The following CHRM3 variants were observed in gnomAD, a reference collection of about 807,000 sequenced individuals.
CHRM3 encodes the protein cholinergic receptor muscarinic 3.
Under a neutral mutation model 41.8 loss-of-function variants are expected in CHRM3, and 11 were observed. The observed-to-expected ratio is 0.26, with a 90% CI of 0.17 to 0.44. The LOEUF (loss-of-function observed/expected upper bound fraction) is 0.44, where lower values mean the gene tolerates loss of function less well. CHRM3 is among the 20% of genes least tolerant of loss of function. CHRM3 has a pLI of 1.00. For synonymous variants in CHRM3, 297 were observed against 301.4 expected (o/e 0.99, Z 0.15); for missense variants, 571 against 745.4 (o/e 0.77, Z 2.72).
chr1:239,827,089 G>T (rs184667301), intron 5 of CHRM3, 163 bp from the exon 6 acceptor site: 1 of 152,194 alleles, frequency 6.6e-6, no homozygotes, highest in African/African-American at 2.4e-5. Context: ...TAGGTAACTT[G>T]CTACTGAAAT....
At chr1:239,769,254 C>T (rs1436415467) in intron 5 of CHRM3, among the ~76,000 whole-genome samples, 1 of 152,158 alleles carries the variant, frequency 6.6e-6, no homozygotes, top group Non-Finnish European at 1.5e-5. Flanking sequence ...CCGCCACCGG[C>T]CTGGTGAGGC....
chr1:239,487,248 C>A lies in CHRM3; in HGVS notation c.-520-5461C>A, dbSNP rs187695554. ...TTTGTGCATGATAGGTACATTGAAA[C>A]CCCTAATAAAAATATTATTCGTTTT... On this transcript the variant is annotated intron_variant, in intron 1 of 6. Transcript: ENST00000676153. 5.3e-5 allele frequency among the ~76,000 whole-genome samples: 8 copies of A among 152,086 alleles called. No individual in the cohort carries two copies. In the East Asian group the frequency reaches 1.4e-3, roughly 26 times the overall value.
rs1329123451 is a variant in CHRM3 at position 239,618,176 on chromosome 1, AT to A, written c.-312-14047del. Among the ~76,000 whole-genome samples, 56 of 150,280 alleles carry A rather than the reference AT, an allele frequency of 3.7e-4. 1 individual carries two copies. The highest frequency in any genetic ancestry group is 1.3e-3 in the African/African-American group (54 of 40,886). On this transcript the variant is annotated intron_variant, in intron 3 of 6. Coordinates refer to ENST00000676153, the MANE Select transcript of CHRM3 (RefSeq NM_001375978.1). Reference sequence around the variant, plus strand: ...TTAATGTGTATCTGTCTGGGCAGTGATGTGAACTTAAGGGCACATTTGGGGC... The same window carrying A: ...TTAATGTGTATCTGTCTGGGCAGTGAGTGAACTTAAGGGCACATTTGGGGC...
At chr1:239,507,317 T>C (rs1668639492) in intron 2 of CHRM3, among the ~76,000 whole-genome samples, 1 of 152,122 alleles carries the variant, frequency 6.6e-6, no homozygotes, top group South Asian at 2.1e-4. Context: ...GTCTTTCCCA[T>C]GCTGTTCTCG....
At chr1:239,897,342 A>G (rs1204964274) in intron 6 of CHRM3, among the ~76,000 whole-genome samples, 1 of 152,240 alleles carries the variant, frequency 6.6e-6, no homozygotes, top group African/African-American at 2.4e-5. Context: ...GTCTAACTTA[A>G]TCATGAAAGC....
chr1:239,496,068 C>G (rs1466461162), intron 2 of CHRM3, among the ~76,000 whole-genome samples: 5 of 152,118 alleles, frequency 3.3e-5, no homozygotes, highest in Non-Finnish European at 1.5e-5. Flanking sequence ...CAGTCAGTCT[C>G]TTTCATTGGT....
intron 6 of CHRM3, among the ~76,000 whole-genome samples, chr1:239,845,349 T>C (rs1674177786): frequency 6.6e-6 from 1 of 152,172 alleles, no homozygotes; most frequent in Non-Finnish European, 1.5e-5. Context: ...ATTTTTGTTT[T>C]GGTTTGGGTT....
At chr1:239,483,698 CA>C (rs1255905938) in intron 1 of CHRM3, among the ~76,000 whole-genome samples, 1 of 152,150 alleles carries the variant, frequency 6.6e-6, no homozygotes, top group African/African-American at 2.4e-5. Context: ...ATTATTTGAG[CA>C]CCTCAGAGAC....
chr1:239,671,392 A>C (rs35484692), intron 4 of CHRM3, among the ~76,000 whole-genome samples: 4,747 of 152,286 alleles, frequency 0.031, 129 homozygotes, highest in Middle Eastern at 0.13. Flanking sequence ...CTTGGTCCAC[A>C]GAGGAAGACC....
chr1:239,509,388 T>C (rs1166838521), intron 2 of CHRM3, among the ~76,000 whole-genome samples: 1 of 152,194 alleles, frequency 6.6e-6, no homozygotes, highest in African/African-American at 2.4e-5. Context: ...TTTCTGTTTA[T>C]ATAAAGAGGA....
rs571480145 is a variant in CHRM3 at position 239,644,926 on chromosome 1, T to G, written c.-250+12640T>G. Reference sequence around the variant, plus strand: ...ATAAGTGGGCCTACTTGAGACAGCTTTCTTCAGCAGGAATTCCCAGCCTGG... The same window carrying G: ...ATAAGTGGGCCTACTTGAGACAGCTGTCTTCAGCAGGAATTCCCAGCCTGG... On this transcript the variant is annotated intron_variant, in intron 4 of 6. Transcript: ENST00000676153. Among the ~76,000 whole-genome samples, 6 of 152,272 alleles carry G rather than the reference T, an allele frequency of 3.9e-5. No homozygotes were observed. In the South Asian group the frequency reaches 1.2e-3, roughly 32 times the overall value.
intron 4 of CHRM3, among the ~76,000 whole-genome samples, chr1:239,675,804 T>G (rs1657944718): frequency 6.6e-6 from 1 of 152,182 alleles, no homozygotes; most frequent in Non-Finnish European, 1.5e-5. Context: ...GATAAGATAT[T>G]GAGCTGTGTA....
At chr1:239,731,260 C>G (rs1159908392) in intron 5 of CHRM3, among the ~76,000 whole-genome samples, 1 of 151,876 alleles carries the variant, frequency 6.6e-6, no homozygotes, top group Non-Finnish European at 1.5e-5. Context: ...GGAGTCATCA[C>G]TATATGGATG....
chr1:239,640,680 C>G (rs1671031905), intron 4 of CHRM3, among the ~76,000 whole-genome samples: 1 of 150,114 alleles, frequency 6.7e-6, no homozygotes, highest in Non-Finnish European at 1.5e-5. Context: ...GTCTTGCTAG[C>G]AGTCTATCAA....
chr1:239,653,837 G>A (rs1169276136), intron 4 of CHRM3, among the ~76,000 whole-genome samples: 1 of 152,162 alleles, frequency 6.6e-6, no homozygotes, highest in Non-Finnish European at 1.5e-5. Flanking sequence ...TCTTGGGAGA[G>A]AGTTGCAATC....
rs1680124068 is a variant in CHRM3, at chr1:239,908,288, C to T, written c.837C>T (p.Asn279=). ...CTGGGACAGAGGCAGAGACAGAAAA[C>T]TTTGTCCACCCCACGGGCAGTTCTC... ...QASGTEAETE[N]FVHPTGSSRS... is the part of the protein sequence containing the mutation. The change falls in exon 7 of 7, where the codon AAC becomes AAT. Residue 279 remains asparagine, a synonymous_variant. Transcript: ENST00000676153. The surrounding 1 kb of genome is among the most constrained non-coding windows in gnomAD (Gnocchi z 7.2). 2.5e-6 allele frequency: 4 copies of T among 1,614,024 alleles called. No individual in the cohort carries two copies. Among genetic ancestry groups the T allele is most frequent in the Non-Finnish European group, 3.4e-6 (4 of 1,180,020 alleles).
At chr1:239,519,235 A>G (rs1391611911) in intron 2 of CHRM3, among the ~76,000 whole-genome samples, 1 of 152,200 alleles carries the variant, frequency 6.6e-6, no homozygotes, top group Admixed American at 6.5e-5. Context: ...AATAATATAA[A>G]AATGTAGCAT....
At chr1:239,439,122 A>G (rs1011153390) in intron 1 of CHRM3, among the ~76,000 whole-genome samples, 20 of 152,194 alleles carry the variant, frequency 1.3e-4, no homozygotes, top group Non-Finnish European at 2.6e-4. Context: ...AGTGGCAGAA[A>G]CTGAAAAGGC....
At chr1:239,890,739 C>T (rs1204717293) in intron 6 of CHRM3, among the ~76,000 whole-genome samples, 1 of 152,140 alleles carries the variant, frequency 6.6e-6, no homozygotes, top group Admixed American at 6.5e-5. Context: ...AATATTAACA[C>T]AATAAGACAT....
Sources: allele counts gnomAD v4.1 joint callset (sites outside exome capture counted in the v4.1 genomes callset), GRCh38; gene constraint gnomAD v4.1.1; non-coding constraint Gnocchi (gnomAD v3.1); transcripts MANE v1.5; gene names NCBI Gene and HGNC (gene_info 2026-07-23, HGNC 2026-07-21).